Variants in PPARGC1A observed in about 807,000 individuals in gnomAD.
The protein encoded by PPARGC1A is peroxisome proliferator-activated receptor gamma coactivator 1-alpha.
In PPARGC1A, 25 loss-of-function variants were observed where a neutral mutation model predicts 88.7. That is an observed-to-expected ratio of 0.28 (90% CI 0.21 to 0.39). The LOEUF is 0.39. Ranked by LOEUF, PPARGC1A falls within the 10% of genes least tolerant of loss-of-function variation. The pLI, the probability that PPARGC1A is intolerant of heterozygous loss-of-function variation, is 1.00. For missense variants in PPARGC1A, 880 were observed against 968.7 expected (o/e 0.91, Z 1.22); for synonymous variants, 363 against 355.6 (o/e 1.02, Z -0.24).
chr4:23,828,393 A>G lies in PPARGC1A; in HGVS notation c.757+7T>C, dbSNP rs1724373807. ...TCACCAACAGCTCGTTTTGGTCCCC[A>G]GCCTACCTTGTAAGTGTTGTGACTG... On this transcript the variant is annotated splice_region_variant and intron_variant, in intron 5 of 12. Transcript: ENST00000264867. 6.2e-7 allele frequency: 1 copy of G among 1,611,800 alleles called. No homozygotes were observed. Among genetic ancestry groups the G allele is most frequent in the Non-Finnish European group, 8.5e-7 (1 of 1,178,120 alleles).
At chr4:23,828,289 A>G in intron 5 of PPARGC1A, 111 bp downstream of exon 5, 1 of 1,129,282 alleles carries the variant, frequency 8.9e-7, no homozygotes, top group Non-Finnish European at 1.3e-6. Context: ...CTCTTTCCAC[A>G]GAGTGACGCT....
chr4:24,090,009 T>C, the PPARGC1A span, among the ~76,000 whole-genome samples: 1 of 152,236 alleles, frequency 6.6e-6, no homozygotes, highest in African/African-American at 2.4e-5. Context: ...ATATGACACA[T>C]GCATTTTTAC....
chr4:24,221,486 G>A, the PPARGC1A span, among the ~76,000 whole-genome samples: 19,728 of 152,124 alleles, frequency 0.13, 1,662 homozygotes, highest in African/African-American at 0.24. Flanking sequence ...TGTGCTCTTA[G>A]TCATTCAACT....
chr4:24,024,422 T>G, the PPARGC1A span, among the ~76,000 whole-genome samples: 1 of 152,232 alleles, frequency 6.6e-6, no homozygotes, highest in African/African-American at 2.4e-5. Context: ...CCTGGCTTAC[T>G]TCACATGAAG....
the PPARGC1A span, among the ~76,000 whole-genome samples, chr4:24,064,674 G>A: frequency 1.8e-4 from 28 of 152,192 alleles, no homozygotes; most frequent in Middle Eastern, 3.4e-3. Context: ...TTCATAAAAA[G>A]TCATTGCCTT....
chr4:24,242,909 C>T, the PPARGC1A span, among the ~76,000 whole-genome samples: 1 of 152,082 alleles, frequency 6.6e-6, no homozygotes, highest in Non-Finnish European at 1.5e-5. Context: ...TCAGAGAAAA[C>T]AGTCTGTTTA....
the PPARGC1A span, among the ~76,000 whole-genome samples, chr4:24,462,547 C>T: frequency 6.6e-6 from 1 of 151,940 alleles, no homozygotes; most frequent in Admixed American, 6.6e-5. Flanking sequence ...AGCTGTGTGA[C>T]CTTGGCTACG....
At chr4:23,877,207 G>C (rs1714881676) in intron 2 of PPARGC1A, among the ~76,000 whole-genome samples, 2 of 151,790 alleles carry the variant, frequency 1.3e-5, no homozygotes. Context: ...ACGTACCTCT[G>C]AGCGCACAGT....
the PPARGC1A span, among the ~76,000 whole-genome samples, chr4:24,003,728 T>G: frequency 2.6e-5 from 4 of 151,850 alleles, no homozygotes; most frequent in Non-Finnish European, 5.9e-5. Flanking sequence ...CTGTAGGATA[T>G]CTTACACCAT....
the PPARGC1A span, among the ~76,000 whole-genome samples, chr4:24,323,620 C>A: frequency 6.6e-6 from 1 of 152,130 alleles, no homozygotes; most frequent in Non-Finnish European, 1.5e-5. Context: ...CACTGACTCT[C>A]TTTTCGGACT....
chr4:24,250,432 C>A, the PPARGC1A span, among the ~76,000 whole-genome samples: 1 of 152,114 alleles, frequency 6.6e-6, no homozygotes, highest in South Asian at 2.1e-4. Context: ...AGGAGAGATA[C>A]AGGAGAGATA....
At chr4:24,275,132 G>A in the PPARGC1A span, among the ~76,000 whole-genome samples, 1 of 152,156 alleles carries the variant, frequency 6.6e-6, no homozygotes, top group African/African-American at 2.4e-5. Context: ...TTCACATATG[G>A]CCAATATCAG....
upstream of PPARGC1A, among the ~76,000 whole-genome samples, chr4:23,899,579 T>C (rs1001467748): frequency 6.6e-6 from 1 of 152,190 alleles, no homozygotes; most frequent in Non-Finnish European, 1.5e-5. Flanking sequence ...GCCAAATATA[T>C]CAATGAGAAT....
intron 2 of PPARGC1A, among the ~76,000 whole-genome samples, chr4:23,876,250 A>G (rs925720635): frequency 3.9e-5 from 6 of 152,232 alleles, no homozygotes; most frequent in Admixed American, 3.9e-4. Flanking sequence ...CTAAGTGACT[A>G]TTGGTAATAA....
At chr4:24,046,299 G>A in the PPARGC1A span, among the ~76,000 whole-genome samples, 1 of 152,088 alleles carries the variant, frequency 6.6e-6, no homozygotes, top group Non-Finnish European at 1.5e-5. Context: ...TCCTCTCTTA[G>A]GAAATAATAG....
chr4:24,307,826 C>G, the PPARGC1A span, among the ~76,000 whole-genome samples: 2 of 152,108 alleles, frequency 1.3e-5, no homozygotes, highest in Non-Finnish European at 2.9e-5. Context: ...ACCTGCCCTG[C>G]TTTTTAAATG....
chr4:24,214,737 G>A, the PPARGC1A span, among the ~76,000 whole-genome samples: 37 of 152,278 alleles, frequency 2.4e-4, no homozygotes, highest in African/African-American at 8.7e-4. Context: ...GTGTTAAGGG[G>A]AGAGAAAGGG....
At chr4:23,964,292 G>C in the PPARGC1A span, among the ~76,000 whole-genome samples, 1 of 152,158 alleles carries the variant, frequency 6.6e-6, no homozygotes, top group African/African-American at 2.4e-5. Context: ...CCAACACTTT[G>C]TCTTCAGAAT....
At chr4:24,156,590 T>C in the PPARGC1A span, among the ~76,000 whole-genome samples, 1 of 152,174 alleles carries the variant, frequency 6.6e-6, no homozygotes, top group East Asian at 1.9e-4. Context: ...TCTGAATAAA[T>C]GGCAGAAGTC....
Sources: gnomAD v4.1 joint callset for allele counts (sites outside exome capture counted in the v4.1 genomes callset) on GRCh38, gnomAD v4.1.1 for gene constraint, MANE v1.5 for transcripts, NCBI Gene and HGNC (gene_info 2026-07-23, HGNC 2026-07-21) for gene names.